Variants in PAOX observed in about 807,000 individuals in gnomAD.
PAOX encodes peroxisomal N(1)-acetyl-spermine/spermidine oxidase.
PAOX carries 38 observed loss-of-function variants against 39.0 expected under a neutral mutation model. That is an observed-to-expected ratio of 0.97 (90% CI 0.75 to 1.28). PAOX has a LOEUF of 1.28. Among genes scored for constraint, PAOX ranks in the 50% most tolerant of loss-of-function variants. PAOX has a pLI of 0.00. For missense variants in PAOX, 667 were observed against 685.7 expected, an observed-to-expected ratio of 0.97 and a Z score of 0.30; for synonymous variants, 311 against 314.4, an observed-to-expected ratio of 0.99 and a Z score of 0.11.
At position 133,381,496 on chromosome 10, in the gene PAOX, C is replaced by T. The variant is rs777007508; in HGVS notation, c.705C>T (p.Ala235=). ...YQGLTNCMMA[A]LPEDTVVFEK... ...GACTCACAAACTGCATGATGGCCGCCCTGCCGGAGGACACTGTAGTTTTTG... is the reference window on the plus strand; with the variant it reads ...GACTCACAAACTGCATGATGGCCGCTCTGCCGGAGGACACTGTAGTTTTTG... The change falls in exon 3 of 7, where the codon GCC becomes GCT. Residue 235 remains alanine, a synonymous_variant. Transcript: ENST00000278060. 3.7e-6 allele frequency: 6 copies of T among 1,613,626 alleles called. No individual in the cohort carries two copies. In the Admixed American group the frequency reaches 6.7e-5, roughly 18 times the overall value.
intron 2 of PAOX, 109 bp from the exon 3 acceptor site, chr10:133,381,351 C>A: frequency 1.9e-6 from 2 of 1,038,776 alleles, no homozygotes; most frequent in South Asian, 1.5e-5. Flanking sequence ...CGATGGAGAG[C>A]TCCCCGCAGC....
chr10:133,389,074 TACTC>T lies in PAOX; in HGVS notation c.1234+9_1234+12del. ...AGTGCTCCGGAGAGTGACAGGTAGG[TACTC>T]ACCACACACGCTGGTTCCTGCCTCT... is the stretch of plus-strand genomic sequence containing the variant. On this transcript the variant is annotated splice_region_variant and intron_variant, in intron 5 of 6. Transcript: ENST00000278060. 6.3e-7 allele frequency: 1 copy of T among 1,592,418 alleles called. No homozygotes were observed. The highest frequency in any genetic ancestry group is 8.6e-7 in the Non-Finnish European group (1 of 1,160,318).
In PAOX at chr10:133,391,439, C is replaced by T; in HGVS notation, c.1520C>T (p.Pro507Leu). The T allele has an allele frequency of 1.9e-6, 3 of 1,612,368 alleles. No individual in the cohort carries two copies. In the South Asian group the frequency reaches 3.3e-5, roughly 18 times the overall value. ...CTGTGGGCCCCGCAGGTGCAGCAGC[C>T]CAGGCCCAGGCTCTAGCTGGGCCCA... ...LSLWAPQVQQ[P>L]RPRL The change falls in exon 7 of 7, where the codon CCC (proline) becomes CTC (leucine). Residue 507 changes from proline (P) to leucine (L), a missense_variant. Transcript: ENST00000278060.
In PAOX at chr10:133,389,014, C is replaced by G. The variant is rs565454435; in HGVS notation, c.1180C>G (p.Leu394Val). The change falls in exon 5 of 7, where the codon CTG becomes GTG. Residue 394 changes from leucine (L) to valine (V), a missense_variant. Transcript: ENST00000278060. ...AGLESEFMETLSDEEVLLCLT... is the reference protein window; with the variant it reads ...AGLESEFMETVSDEEVLLCLT... ...ACTTGAGTCTGAGTTCATGGAGACT[C>G]TGTCGGATGAAGAAGTACTTCTGTG... 1.2e-5 allele frequency: 19 copies of G among 1,614,058 alleles called. No homozygotes were observed. The Admixed American group carries it at 3.2e-4, about 27-fold the overall frequency.
At chr10:133,387,990 T>G (rs1849572237) in intron 4 of PAOX, among the ~76,000 whole-genome samples, 1 of 152,164 alleles carries the variant, frequency 6.6e-6, no homozygotes, top group South Asian at 2.1e-4. Context: ...GTGCTGGGAT[T>G]ACAGGCCTGA....
chr10:133,379,435 A>G lies in PAOX; in HGVS notation c.119A>G (p.His40Arg), dbSNP rs1490401406. 8 of 1,224,114 alleles carry G rather than the reference A, an allele frequency of 6.5e-6. No homozygotes were observed. The highest frequency in any genetic ancestry group is 7.1e-6 in the Non-Finnish European group (7 of 983,478). 75.8% of individuals were successfully genotyped at this position (1,224,114 alleles called of 1,614,324 possible). Reference sequence around the variant, plus strand: ...CTCTGCGGCCACTCCGCCTTCCCGCACCTGCGGGTCCTGGAGGCCACGGCC... The same window carrying G: ...CTCTGCGGCCACTCCGCCTTCCCGCGCCTGCGGGTCCTGGAGGCCACGGCC... ...QRLCGHSAFP[H>R]LRVLEATARA... Residue 40 changes from histidine to arginine, a missense_variant, in exon 1 of 7, where the codon CAC (histidine) becomes CGC (arginine). Transcript: ENST00000278060.
chr10:133,383,786 G>A (rs561826408), intron 3 of PAOX, among the ~76,000 whole-genome samples, 174 bp from the exon 4 acceptor site: 3 of 152,314 alleles, frequency 2.0e-5, no homozygotes. Context: ...TCTAGCCTGG[G>A]CAACAGAGCA....
chr10:133,391,365 G>T lies in PAOX; in HGVS notation c.1446G>T (p.Thr482=). The part of the protein sequence containing the change: ...EATHRTFYST[T]HGALLSGWRE... ...CACATCGCACGTTTTACTCCACGAC[G>T]CACGGGGCTCTGCTGTCGGGATGGA... The change falls in exon 7 of 7, where the codon ACG becomes ACT. Residue 482 remains threonine (T), a synonymous_variant. Coordinates refer to ENST00000278060, the MANE Select transcript of PAOX (RefSeq NM_152911.4). 1 of 1,613,500 alleles carries T rather than the reference G, an allele frequency of 6.2e-7. No individual in the cohort carries two copies. The highest frequency in any genetic ancestry group is 1.1e-5 in the South Asian group (1 of 91,084).
chr10:133,385,518 G>A (rs1849505922), intron 4 of PAOX, among the ~76,000 whole-genome samples: 1 of 152,190 alleles, frequency 6.6e-6, no homozygotes, highest in South Asian at 2.1e-4. Context: ...ACCTGCAAAG[G>A]GTTGGGGATC....
At chr10:133,383,769 C>T (rs561592109) in intron 3 of PAOX, among the ~76,000 whole-genome samples, 191 bp from the exon 4 acceptor site, 3 of 152,306 alleles carry the variant, frequency 2.0e-5, no homozygotes, top group South Asian at 4.1e-4. Flanking sequence ...CATGGTGCTG[C>T]ATGCACTCTA....
intron 3 of PAOX, 76 bp from the exon 4 acceptor site, chr10:133,383,884 G>C: frequency 6.6e-7 from 1 of 1,513,358 alleles, no homozygotes; most frequent in Admixed American, 2.1e-5. Flanking sequence ...GAAATTGCTG[G>C]ATCCAAGGTC....
intron 2 of PAOX, among the ~76,000 whole-genome samples, chr10:133,380,950 C>A (rs1055512873): frequency 6.6e-6 from 1 of 152,350 alleles, no homozygotes; most frequent in African/African-American, 2.4e-5. Context: ...TGCACTCCAA[C>A]CTGGGCGACA....
intron 6 of PAOX, chr10:133,390,727 G>A: frequency 1.8e-6 from 1 of 557,944 alleles, no homozygotes; most frequent in Admixed American, 3.2e-5. Flanking sequence ...TGGAAATGTT[G>A]CTTCTTGAGT....
rs1849685943 is a variant in PAOX at position 133,391,546 on chromosome 10, G to A, written c.*91G>A. 6 of 1,486,882 alleles carry A rather than the reference G, an allele frequency of 4.0e-6. No individual in the cohort carries two copies. In the South Asian group the frequency reaches 8.2e-5, roughly 20 times the overall value. 92.1% of individuals were successfully genotyped at this position (1,486,882 alleles called of 1,614,324 possible). A position where few individuals can be genotyped will look rare whatever the true frequency, so the allele number is the denominator to read the frequency against. ...GATTTCAGTCTGGCTTGAAATTTGG[G>A]GATGTTAATGAGGGTCCTCTGGTTT... is the stretch of plus-strand genomic sequence containing the variant. On this transcript the variant is annotated 3_prime_UTR_variant, in exon 7 of 7. Transcript: ENST00000278060.
chr10:133,389,458 C>T, intron 5 of PAOX, 132 bp from the exon 6 acceptor site: 1 of 1,328,672 alleles, frequency 7.5e-7, no homozygotes, highest in South Asian at 1.3e-5. Flanking sequence ...TCTCCTGACA[C>T]ACTCTGCTGC....
At position 133,381,660 on chromosome 10, in the gene PAOX, G is replaced by A. The variant is rs1358807464; in HGVS notation, c.868+1G>A. On this transcript the variant is annotated splice_donor_variant, in intron 3 of 6. Coordinates refer to ENST00000278060, the MANE Select transcript of PAOX (RefSeq NM_152911.4). LOFTEE classifies it high-confidence loss of function. ...CATGTCATCGTCACCGTGCCCTTAG[G>A]TAGGTCAGGTTTTCAGCCCAAACCC... is the stretch of plus-strand genomic sequence containing the variant. 1 of 1,612,804 alleles carries A rather than the reference G, an allele frequency of 6.2e-7. No homozygotes were observed. Among genetic ancestry groups the A allele is most frequent in the Non-Finnish European group, 8.5e-7 (1 of 1,179,956 alleles).
intron 2 of PAOX, among the ~76,000 whole-genome samples, chr10:133,381,147 C>G (rs998517876): frequency 1.3e-5 from 2 of 152,212 alleles, no homozygotes; most frequent in Non-Finnish European, 2.9e-5. Flanking sequence ...GGTGTTGGCC[C>G]CAAGGCTCCT....
In PAOX at chr10:133,391,629, T is replaced by G. The variant is rs959786840; in HGVS notation, c.*174T>G. 1 of 1,057,074 alleles carries G rather than the reference T, an allele frequency of 9.5e-7. No homozygotes were observed. Among genetic ancestry groups the G allele is most frequent in the East Asian group, 2.6e-5 (1 of 37,964 alleles). The allele number at this position is 1,057,074 out of a possible 1,614,324, so 65.5% of individuals were successfully genotyped here. On this transcript the variant is annotated 3_prime_UTR_variant, in exon 7 of 7. Coordinates refer to ENST00000278060, the MANE Select transcript of PAOX (RefSeq NM_152911.4). Reference sequence around the variant, plus strand: ...GTCTGTTATTGGAGTCTGGCCAGGGTTGACTTGAGCTGAGACACCAGATGC... The same window carrying G: ...GTCTGTTATTGGAGTCTGGCCAGGGGTGACTTGAGCTGAGACACCAGATGC...
At position 133,381,448 on chromosome 10, in the gene PAOX, C is replaced by T. The variant is rs764539002; in HGVS notation, c.669-12C>T. 4 of 1,613,250 alleles carry T rather than the reference C, an allele frequency of 2.5e-6. No homozygotes were observed. Among genetic ancestry groups the T allele is most frequent in the Non-Finnish European group, 3.4e-6 (4 of 1,179,706 alleles). ...CTGGGCCTCTACGAAACCAGCACTTCCGTCTTTCTAGGGGCTATCAAGGAC... is the reference window on the plus strand; with the variant it reads ...CTGGGCCTCTACGAAACCAGCACTTTCGTCTTTCTAGGGGCTATCAAGGAC... On this transcript the variant is annotated splice_polypyrimidine_tract_variant and intron_variant, in intron 2 of 6. Transcript: ENST00000278060.
Sources: gnomAD v4.1 joint callset for allele counts (sites outside exome capture counted in the v4.1 genomes callset) on GRCh38, gnomAD v4.1.1 for gene constraint, MANE v1.5 for transcripts, NCBI Gene and HGNC (gene_info 2026-07-23, HGNC 2026-07-21) for gene names.